Variants in RIMS1 observed in about 807,000 individuals in gnomAD.
RIMS1 encodes the protein regulating synaptic membrane exocytosis protein 1.
RIMS1 carries 83 observed loss-of-function variants against 214.1 expected under a neutral mutation model. The observed-to-expected ratio is 0.39, with a 90% confidence interval of 0.32 to 0.47. The LOEUF is 0.47. Among genes scored for constraint, RIMS1 ranks in the 20% least tolerant of loss-of-function variants. The pLI is 0.99. For missense variants in RIMS1, 2,050 were observed against 2,161.8 expected, an observed-to-expected ratio of 0.95 and a Z score of 1.03; for synonymous variants, 793 against 786.8, an observed-to-expected ratio of 1.01 and a Z score of -0.13.
At chr6:72,204,334 T>A (rs1215815614) in intron 6 of RIMS1, among the ~76,000 whole-genome samples, 1 of 152,242 alleles carries the variant, frequency 6.6e-6, no homozygotes, top group African/African-American at 2.4e-5. Flanking sequence ...GTGAAACTCC[T>A]GTAGATTAGG....
At chr6:72,021,450 C>G (rs1814656975) in intron 2 of RIMS1, among the ~76,000 whole-genome samples, 1 of 152,112 alleles carries the variant, frequency 6.6e-6, no homozygotes, top group African/African-American at 2.4e-5. Context: ...TTTCCATATG[C>G]TTGGAGTATA....
At chr6:71,936,512 C>T (rs907547386) in intron 1 of RIMS1, among the ~76,000 whole-genome samples, 1 of 152,060 alleles carries the variant, frequency 6.6e-6, no homozygotes, top group Non-Finnish European at 1.5e-5. Context: ...CCACACAAAG[C>T]AGAATGTTTA....
At chr6:72,376,727 A>T (rs180866481) in intron 29 of RIMS1, among the ~76,000 whole-genome samples, 1 of 150,378 alleles carries the variant, frequency 6.6e-6, no homozygotes, top group Non-Finnish European at 1.5e-5. Context: ...AGCCTGGGTG[A>T]CAGAGAGAGA....
At chr6:71,892,497 G>C (rs1222892900) in intron 1 of RIMS1, among the ~76,000 whole-genome samples, 1 of 152,006 alleles carries the variant, frequency 6.6e-6, no homozygotes, top group Non-Finnish European at 1.5e-5. Context: ...TCTGAGGGTG[G>C]ACTCTCCAGA....
Position 72,252,836 on chromosome 6 carries a change from C to G in RIMS1, c.2770+4C>G, listed in dbSNP as rs953813197. 3.2e-6 allele frequency: 5 copies of G among 1,551,370 alleles called. No individual in the cohort carries two copies. In the African/African-American group the frequency reaches 6.8e-5, roughly 21 times the overall value. ...GGTATTGGCGTAGTTCCTCCAGGTGCGTGGGTGAGGAGCATGACCCTGCTT... is the reference window on the plus strand; with the variant it reads ...GGTATTGGCGTAGTTCCTCCAGGTGGGTGGGTGAGGAGCATGACCCTGCTT... On this transcript the variant is annotated splice_donor_region_variant and intron_variant, in intron 16 of 33. Transcript: ENST00000521978.
chr6:72,275,352 AT>A (rs200241502), intron 23 of RIMS1, among the ~76,000 whole-genome samples: 4 of 151,224 alleles, frequency 2.6e-5, no homozygotes, highest in Admixed American at 1.3e-4. Context: ...AAATGTACAG[AT>A]TTTTTTTAGT....
Position 72,196,373 on chromosome 6 carries a change from GTCTGTCTATCTATCTA to G in RIMS1, c.1678+13228_1678+13243del, listed in dbSNP as rs1480822135. Among the ~76,000 whole-genome samples, 354 of 102,410 alleles carry G rather than the reference GTCTGTCTATCTATCTA, an allele frequency of 3.5e-3. 1 individual carries two copies. Among genetic ancestry groups the G allele is most frequent in the African/African-American group, 0.013 (335 of 26,552 alleles). 67.2% of individuals were successfully genotyped at this position (102,410 alleles called of 152,430 possible). ...CCTCTGTCTGTCTGTCTGTCTGTCT[GTCTGTCTATCTATCTA>G]TCTATCTATCTATCTATCTATCTAT... On this transcript the variant is annotated intron_variant, in intron 6 of 33. Transcript: ENST00000521978.
chr6:72,113,108 G>A (rs1424825111), intron 4 of RIMS1, among the ~76,000 whole-genome samples: 1 of 152,098 alleles, frequency 6.6e-6, no homozygotes, highest in Non-Finnish European at 1.5e-5. Flanking sequence ...GCAGCCACAG[G>A]GCAGTGTGCA....
At chr6:72,162,540 C>T (rs1224726266) in intron 4 of RIMS1, among the ~76,000 whole-genome samples, 3 of 140,548 alleles carry the variant, frequency 2.1e-5, no homozygotes, top group African/African-American at 7.4e-5. Flanking sequence ...TGTTCCTTTC[C>T]GTGTTTAGTG....
chr6:72,011,961 C>G (rs1487026883), intron 2 of RIMS1, among the ~76,000 whole-genome samples: 1 of 152,090 alleles, frequency 6.6e-6, no homozygotes, highest in Non-Finnish European at 1.5e-5. Context: ...ATCATTTGAC[C>G]CAGCCATCCC....
At chr6:72,223,576 G>A (rs2059212832) in intron 6 of RIMS1, among the ~76,000 whole-genome samples, 1 of 151,950 alleles carries the variant, frequency 6.6e-6, no homozygotes, top group Non-Finnish European at 1.5e-5. Flanking sequence ...TAAAAATTAG[G>A]CTGCATATTT....
At chr6:72,225,498 A>G (rs11966510) in intron 6 of RIMS1, among the ~76,000 whole-genome samples, 4,791 of 152,250 alleles carry the variant, frequency 0.031, 234 homozygotes, top group African/African-American at 0.11. Flanking sequence ...ATAAGGACTA[A>G]TATTTTCCTT....
At chr6:72,078,042 C>G (rs1832362428) in intron 2 of RIMS1, among the ~76,000 whole-genome samples, 3 of 152,124 alleles carry the variant, frequency 2.0e-5, no homozygotes, top group South Asian at 4.1e-4. Flanking sequence ...GTATTTAAAG[C>G]TAAAACAAAA....
In RIMS1 at chr6:72,259,242, A is replaced by G. The variant is rs2077012114; in HGVS notation, c.3053+131A>G. On this transcript the variant is annotated intron_variant, in intron 18 of 33. Coordinates refer to ENST00000521978, the MANE Select transcript of RIMS1 (RefSeq NM_014989.7). ...AAAAATGAGCTGCTCTCAAGCAACAACTGTTAACATATTGTAATAGAAATG... is the reference window on the plus strand; with the variant it reads ...AAAAATGAGCTGCTCTCAAGCAACAGCTGTTAACATATTGTAATAGAAATG... The G allele has an allele frequency of 1.2e-5, 7 of 593,730 alleles. No individual in the cohort carries two copies. The South Asian group carries it at 1.8e-4, about 15-fold the overall frequency. The allele number at this position is 593,730 out of a possible 1,614,324, so 36.8% of individuals were successfully genotyped here. A position where few individuals can be genotyped will look rare whatever the true frequency, so the allele number is the denominator to read the frequency against.
chr6:72,257,856 A>G (rs2076515378), intron 16 of RIMS1, among the ~76,000 whole-genome samples: 1 of 152,170 alleles, frequency 6.6e-6, no homozygotes, highest in South Asian at 2.1e-4. Context: ...ATCCCAACTC[A>G]TCGTAATGTC....
rs767219735 is a variant in RIMS1, at chr6:72,265,472, G to A, written c.3277G>A (p.Val1093Ile). The change falls in exon 21 of 34, where the codon GTA becomes ATA. Residue 1093 changes from valine to isoleucine, a missense_variant. This residue lies in a region of RIMS1 where 889 missense variants were observed against 885.5 expected (regional missense o/e 1.00). Transcript: ENST00000521978. ...TCATCATGAATGCTTTAACTCAACA[G>A]TATTGAGATTTACTGATGAAATACT... ...SLHHECFNST[V>I]LRFTDEILVS... 8.8e-6 allele frequency: 14 copies of A among 1,599,900 alleles called. No individual in the cohort carries two copies. The highest frequency in any genetic ancestry group is 1.1e-5 in the Non-Finnish European group (13 of 1,168,324).
chr6:72,322,494 A>T (rs888748977), intron 28 of RIMS1, among the ~76,000 whole-genome samples: 1 of 152,146 alleles, frequency 6.6e-6, no homozygotes. Context: ...ATAATATTAC[A>T]TGGTCACAGT....
chr6:72,182,801 C>A lies in RIMS1; in HGVS notation c.1330C>A (p.Leu444Ile). ...GACCAGGGCGCCGGGCGCCAAGCAG[C>A]TAACGAACCACAGCCCGCCGGCGCC... ...AETRAPGAKQ[L>I]TNHSPPAPRH... The change falls in exon 6 of 34, where the codon CTA becomes ATA. Residue 444 changes from leucine (L) to isoleucine (I), a missense_variant. Leu to Ile is a conservative substitution (Grantham distance 5). This residue lies in a region of RIMS1 where 882 missense variants were observed against 828.9 expected (regional missense o/e 1.06). Transcript: ENST00000521978. 6.5e-7 allele frequency: 1 copy of A among 1,548,382 alleles called. No individual in the cohort carries two copies. Among genetic ancestry groups the A allele is most frequent in the South Asian group, 1.2e-5 (1 of 84,324 alleles).
intron 5 of RIMS1, among the ~76,000 whole-genome samples, chr6:72,181,744 C>G (rs2048433800): frequency 6.6e-6 from 1 of 152,138 alleles, no homozygotes; most frequent in South Asian, 2.1e-4. Flanking sequence ...GAAAGAGACA[C>G]TGTTTATTTG....
Sources: allele counts gnomAD v4.1 joint callset (sites outside exome capture counted in the v4.1 genomes callset), GRCh38; gene constraint gnomAD v4.1.1; regional missense constraint gnomAD v4.1.1; transcripts MANE v1.5; gene names NCBI Gene and HGNC (gene_info 2026-07-23, HGNC 2026-07-21).